ALDH2: variants seen among roughly 807,000 people sequenced by gnomAD.
ALDH2 encodes aldehyde dehydrogenase 2 family member, also known as aldehyde dehydrogenase, mitochondrial.
A neutral mutation model predicts 59.6 loss-of-function variants in ALDH2; 44 were observed. That is an observed-to-expected ratio of 0.74 (90% confidence interval 0.58 to 0.95). The LOEUF is 0.95. Among genes scored for constraint, ALDH2 ranks in the 40% least tolerant of loss-of-function variants. ALDH2 has a pLI of 0.00. For synonymous variants in ALDH2, 291 were observed against 284.0 expected, an observed-to-expected ratio of 1.02 and a Z score of -0.25; for missense variants, 570 against 696.3, an observed-to-expected ratio of 0.82 and a Z score of 2.04.
chr12:111,770,201 G>A (rs2068189177), intron 1 of ALDH2, among the ~76,000 whole-genome samples: 1 of 152,032 alleles, frequency 6.6e-6, no homozygotes, highest in South Asian at 2.1e-4. Context: ...ATTGCTGTGA[G>A]GACCAAATGG....
At chr12:111,791,215 C>T (rs2068356075) in intron 6 of ALDH2, 91 bp from the exon 7 acceptor site, 3 of 954,010 alleles carry the variant, frequency 3.1e-6, no homozygotes, top group Non-Finnish European at 4.9e-6. Flanking sequence ...CAGACTGTCC[C>T]ACCCTCTCTG....
chr12:111,809,783 A>G lies in ALDH2; in HGVS notation c.*208A>G. 2 of 589,174 alleles carry G rather than the reference A, an allele frequency of 3.4e-6. No individual in the cohort carries two copies. The highest frequency in any genetic ancestry group is 6.0e-6 in the Non-Finnish European group (2 of 333,592). 36.5% of individuals were successfully genotyped at this position (589,174 alleles called of 1,614,324 possible). Reference sequence around the variant, plus strand: ...GAGTATATGAGGAACCTTTTAAACGACAACAATACTGCTAGCTTTCAGGAT... The same window carrying G: ...GAGTATATGAGGAACCTTTTAAACGGCAACAATACTGCTAGCTTTCAGGAT... On this transcript the variant is annotated 3_prime_UTR_variant, in exon 13 of 13. Coordinates refer to ENST00000261733, the MANE Select transcript of ALDH2 (RefSeq NM_000690.4).
chr12:111,793,820 G>A (rs995362908), intron 9 of ALDH2, among the ~76,000 whole-genome samples: 5 of 151,520 alleles, frequency 3.3e-5, no homozygotes, highest in African/African-American at 9.7e-5. Context: ...TCCTGAGCTC[G>A]GGCAATCTGC....
At chr12:111,801,276 C>A (rs968237104) in intron 11 of ALDH2, among the ~76,000 whole-genome samples, 1 of 152,186 alleles carries the variant, frequency 6.6e-6, no homozygotes, top group Non-Finnish European at 1.5e-5. Flanking sequence ...GATTCAATTA[C>A]CTCCCACAAC....
chr12:111,813,065 C>A lies in ALDH2; in HGVS notation c.*3490C>A, dbSNP rs1277966621. The A allele has an allele frequency of 6.6e-6, 1 of 152,132 alleles. No individual in the cohort carries two copies. The highest frequency in any genetic ancestry group is 2.4e-5 in the African/African-American group (1 of 41,418). 9.4% of individuals were successfully genotyped at this position (152,132 alleles called of 1,614,324 possible). ...TGTCTATCAAGTTGATTTTGACAAC[C>A]TAGACACATTAATCTCCTTGCACTT... is the stretch of plus-strand genomic sequence containing the variant. On this transcript the variant is annotated 3_prime_UTR_variant, in exon 13 of 13. Coordinates refer to ENST00000261733, the MANE Select transcript of ALDH2 (RefSeq NM_000690.4).
chr12:111,797,184 C>G (rs926602070), intron 9 of ALDH2, among the ~76,000 whole-genome samples: 1 of 152,144 alleles, frequency 6.6e-6, no homozygotes, highest in Non-Finnish European at 1.5e-5. Flanking sequence ...CTGCCTGCCT[C>G]GTCCTCCCAA....
At chr12:111,777,984 C>T (rs2068245241) in intron 1 of ALDH2, among the ~76,000 whole-genome samples, 1 of 152,170 alleles carries the variant, frequency 6.6e-6, no homozygotes, top group South Asian at 2.1e-4. Flanking sequence ...ACTGCGGGTT[C>T]CACCATAGAG....
chr12:111,785,129 A>G (rs954905025), intron 3 of ALDH2, 138 bp from the exon 4 acceptor site: 1 of 737,212 alleles, frequency 1.4e-6, no homozygotes, highest in African/African-American at 1.7e-5. Flanking sequence ...GATGCTAGTG[A>G]CATTTGGGGC....
chr12:111,781,480 A>G (rs1348720196), intron 1 of ALDH2, among the ~76,000 whole-genome samples: 12 of 152,190 alleles, frequency 7.9e-5, no homozygotes, highest in Admixed American at 7.2e-4. Context: ...TAAGTGCAGA[A>G]GCCATCTTGC....
In ALDH2 at chr12:111,786,268, G is replaced by A. The variant is rs191593687; in HGVS notation, c.440+922G>A. On this transcript the variant is annotated intron_variant, in intron 4 of 12. Transcript: ENST00000261733. ...TTATTATTTTTTGAGATGGAGTCTC[G>A]CTCTGTTGCCCAGGCTGGAGTGCAG... 7.2e-5 allele frequency among the ~76,000 whole-genome samples: 11 copies of A among 152,084 alleles called. No individual in the cohort carries two copies. The East Asian group carries it at 2.1e-3, about 29-fold the overall frequency.
intron 11 of ALDH2, among the ~76,000 whole-genome samples, chr12:111,800,861 G>A (rs922203236): frequency 2.0e-5 from 3 of 152,066 alleles, no homozygotes; most frequent in Non-Finnish European, 4.4e-5. Flanking sequence ...ACATAAAAAC[G>A]TGTATATGAA....
At chr12:111,798,457 T>A (rs1429102751) in intron 10 of ALDH2, among the ~76,000 whole-genome samples, 1 of 152,122 alleles carries the variant, frequency 6.6e-6, no homozygotes, top group Non-Finnish European at 1.5e-5. Flanking sequence ...ATCGTCTGCA[T>A]TCCTCAGCAT....
intron 1 of ALDH2, among the ~76,000 whole-genome samples, chr12:111,767,866 A>G (rs1207294079): frequency 1.3e-5 from 2 of 152,220 alleles, no homozygotes; most frequent in Admixed American, 6.5e-5. Context: ...TGTTTGTGCC[A>G]GTGCATGTTG....
intron 1 of ALDH2, among the ~76,000 whole-genome samples, chr12:111,767,684 G>A (rs1367723521): frequency 6.6e-6 from 1 of 152,168 alleles, no homozygotes; most frequent in Non-Finnish European, 1.5e-5. Flanking sequence ...GGCTTCCAAC[G>A]CCGGCTTCGA....
chr12:111,778,544 TA>T (rs939693462), intron 1 of ALDH2, among the ~76,000 whole-genome samples: 5 of 132,466 alleles, frequency 3.8e-5, no homozygotes, highest in African/African-American at 8.7e-5. Flanking sequence ...AGACTTTGTC[TA>T]AAAAAAAAGA....
At chr12:111,775,533 A>G (rs1043985578) in intron 1 of ALDH2, 12 of 396,762 alleles carry the variant, frequency 3.0e-5, no homozygotes, top group Admixed American at 2.2e-4. Flanking sequence ...TACAAAACAA[A>G]GTGAGATGTA....
chr12:111,788,307 C>T (rs1015771666), intron 4 of ALDH2, among the ~76,000 whole-genome samples: 2 of 152,164 alleles, frequency 1.3e-5, no homozygotes, highest in African/African-American at 4.8e-5. Context: ...TGGGCAATGT[C>T]CAGAGACATT....
intron 11 of ALDH2, among the ~76,000 whole-genome samples, chr12:111,802,331 G>C (rs750660802): frequency 1.1e-4 from 17 of 150,882 alleles, no homozygotes; most frequent in Non-Finnish European, 2.1e-4. Flanking sequence ...AGAATCGCTT[G>C]AACCCGGGAG....
chr12:111,800,649 G>T (rs994680012), intron 11 of ALDH2, among the ~76,000 whole-genome samples: 1 of 152,012 alleles, frequency 6.6e-6, no homozygotes, highest in African/African-American at 2.4e-5. Context: ...CCCAGGCTGG[G>T]CTATATGTAT....
Sources: allele counts gnomAD v4.1 joint callset (sites outside exome capture counted in the v4.1 genomes callset), GRCh38; gene constraint gnomAD v4.1.1; transcripts MANE v1.5; gene names NCBI Gene and HGNC (gene_info 2026-07-23, HGNC 2026-07-21).